The following ZNF257 variants were observed in gnomAD, a reference collection of about 807,000 sequenced individuals.
ZNF257 encodes the protein zinc finger protein 257.
ZNF257 carries 12 observed loss-of-function variants against 11.9 expected under a neutral mutation model. The observed-to-expected ratio is 1.01, with a 90% confidence interval of 0.65 to 1.63. The LOEUF is 1.63. Ranked by LOEUF, ZNF257 falls within the 40% of genes most tolerant of loss-of-function variation. The probability of loss-of-function intolerance (pLI) is 0.00; values close to 1 mark genes in which losing one functional copy is unlikely to be tolerated. For synonymous variants in ZNF257, 183 were observed against 222.7 expected, an observed-to-expected ratio of 0.82 and a Z score of 1.59; for missense variants, 580 against 665.5, an observed-to-expected ratio of 0.87 and a Z score of 1.41.
intron 2 of ZNF257, 85 bp from the exon 3 acceptor site, chr19:22,073,384 A>G: frequency 7.2e-7 from 1 of 1,398,024 alleles, no homozygotes; most frequent in African/African-American, 1.5e-5. Flanking sequence ...AGAATATTAT[A>G]TTACATTCTC....
At chr19:22,069,387 G>A (rs1249323411) in intron 1 of ZNF257, among the ~76,000 whole-genome samples, 1 of 152,112 alleles carries the variant, frequency 6.6e-6, no homozygotes, top group Admixed American at 6.5e-5. Context: ...GGCCGAGGTG[G>A]GTGGATCACG....
In ZNF257 at chr19:22,088,396, C is replaced by G; in HGVS notation, c.646C>G (p.Leu216Val). 1 of 1,613,744 alleles carries G rather than the reference C, an allele frequency of 6.2e-7. No individual in the cohort carries two copies. Among genetic ancestry groups the G allele is most frequent in the South Asian group, 1.1e-5 (1 of 91,066 alleles). Reference protein sequence around the residue: ...CGKAFNQSSALTRHKMTHTGE... With the variant: ...CGKAFNQSSAVTRHKMTHTGE... ...CAAAGCCTTTAACCAGTCCTCAGCT[C>G]TTACTCGACATAAGATGACTCATAC... Residue 216 changes from leucine to valine, a missense_variant, in exon 4 of 4, where the codon CTT becomes GTT. By Grantham distance (32) the Leu-to-Val change is conservative. Transcript: ENST00000594947.
At chr19:22,054,340 G>T (rs1276104192) in intron 1 of ZNF257, among the ~76,000 whole-genome samples, 3 of 152,096 alleles carry the variant, frequency 2.0e-5, no homozygotes, top group Non-Finnish European at 2.9e-5. Context: ...AAAGTGCTGG[G>T]ATTACAGGAG....
At chr19:22,057,288 G>A (rs4257328) in intron 1 of ZNF257, among the ~76,000 whole-genome samples, 36,135 of 151,968 alleles carry the variant, frequency 0.24, 5,843 homozygotes, top group African/African-American at 0.46. Flanking sequence ...AAAACCAAGT[G>A]AGTAACTCTG....
At chr19:22,052,885 C>T (rs1404260390) in intron 1 of ZNF257, among the ~76,000 whole-genome samples, 1 of 152,110 alleles carries the variant, frequency 6.6e-6, no homozygotes, top group Non-Finnish European at 1.5e-5. Flanking sequence ...CTCTCGGCAG[C>T]TCTGCACCCG....
intron 1 of ZNF257, among the ~76,000 whole-genome samples, chr19:22,070,918 CA>C (rs1431228287): frequency 8.5e-5 from 13 of 152,260 alleles, no homozygotes; most frequent in Non-Finnish European, 1.6e-4. Flanking sequence ...GTTATAAGCC[CA>C]GACCTCTAAT....
In ZNF257 at chr19:22,088,640, C is replaced by A. The variant is rs1215624726; in HGVS notation, c.890C>A (p.Ser297Tyr). 2 of 1,611,016 alleles carry A rather than the reference C, an allele frequency of 1.2e-6. No individual in the cohort carries two copies. Among genetic ancestry groups the A allele is most frequent in the South Asian group, 2.2e-5 (2 of 90,962 alleles). The change falls in exon 4 of 4, where the codon TCC becomes TAC. Residue 297 changes from serine to tyrosine, a missense_variant. Transcript: ENST00000594947. The stretch of plus-strand genomic sequence containing the variant: ...GAATGTTGCAAAGCCTTTAAGTGGT[C>A]CTCAGCTCTTACTACCCTTACTCAA... ...YDECCKAFKW[S>Y]SALTTLTQHK...
Position 22,088,173 on chromosome 19 carries a change from G to C in ZNF257, c.423G>C (p.Gln141His), listed in dbSNP as rs2145720799. 6.2e-7 allele frequency: 1 copy of C among 1,608,860 alleles called. No homozygotes were observed. Among genetic ancestry groups the C allele is most frequent in the African/African-American group, 1.3e-5 (1 of 74,758 alleles). ...TTAACCAATGTCTGATAACTACCCA[G>C]AGCAAAATGTATCAATGTGATAAAT... is the stretch of plus-strand genomic sequence containing the variant. ...NGLNQCLITT[Q>H]SKMYQCDKYV... The change falls in exon 4 of 4, where the codon CAG (glutamine) becomes CAC (histidine). Residue 141 changes from glutamine (Q) to histidine (H), a missense_variant. Physicochemically the swap from Gln to His is conservative, Grantham distance 24. Transcript: ENST00000594947.
chr19:22,079,843 C>T (rs903467259), intron 3 of ZNF257, among the ~76,000 whole-genome samples: 2 of 151,944 alleles, frequency 1.3e-5, no homozygotes, highest in African/African-American at 4.8e-5. Context: ...AATTTTTGGC[C>T]CCTGAGCAAG....
intron 1 of ZNF257, among the ~76,000 whole-genome samples, chr19:22,069,324 A>G (rs2022039378): frequency 6.6e-6 from 1 of 152,172 alleles, no homozygotes; most frequent in South Asian, 2.1e-4. Flanking sequence ...TAAAAAATAA[A>G]CAATATTAGG....
At chr19:22,079,189 G>C (rs2022303369) in intron 3 of ZNF257, among the ~76,000 whole-genome samples, 1 of 152,094 alleles carries the variant, frequency 6.6e-6, no homozygotes, top group Admixed American at 6.6e-5. Flanking sequence ...ATCTTTTAAA[G>C]GGGGGTTCAT....
chr19:22,088,554 G>A lies in ZNF257; in HGVS notation c.804G>A (p.Arg268=). The A allele has an allele frequency of 1.2e-6, 2 of 1,613,484 alleles. No homozygotes were observed. The highest frequency in any genetic ancestry group is 1.7e-6 in the Non-Finnish European group (2 of 1,179,826). Reference sequence around the variant, plus strand: ...AAGAGTGTGGCAAAGCCTTTAACCGGTCTTCACACATTACTCAACATAAGA... The same window carrying A: ...AAGAGTGTGGCAAAGCCTTTAACCGATCTTCACACATTACTCAACATAAGA... ...KCEECGKAFN[R]SSHITQHKRI... The change falls in exon 4 of 4, where the codon CGG becomes CGA. Residue 268 remains arginine, a synonymous_variant. Coordinates refer to ENST00000594947, the MANE Select transcript of ZNF257 (RefSeq NM_033468.4).
chr19:22,061,327 T>A (rs2021789936), intron 1 of ZNF257, among the ~76,000 whole-genome samples: 1 of 152,184 alleles, frequency 6.6e-6, no homozygotes, highest in African/African-American at 2.4e-5. Context: ...TGTTTTGTTT[T>A]TTATTTTTGT....
intron 2 of ZNF257, 51 bp downstream of exon 2, chr19:22,072,986 T>TA: frequency 6.9e-7 from 1 of 1,440,860 alleles, no homozygotes; most frequent in African/African-American, 2.2e-5. Flanking sequence ...AGGCTTTATT[T>TA]TTTATTTATT....
At chr19:22,058,498 A>G (rs746506047) in intron 1 of ZNF257, among the ~76,000 whole-genome samples, 3 of 152,170 alleles carry the variant, frequency 2.0e-5, no homozygotes, top group Non-Finnish European at 4.4e-5. Context: ...ATACTGTGGT[A>G]CTGAGCCCTG....
chr19:22,071,853 T>G (rs1437385349), intron 1 of ZNF257, among the ~76,000 whole-genome samples: 4 of 152,176 alleles, frequency 2.6e-5, no homozygotes, highest in Admixed American at 6.5e-5. Flanking sequence ...AGGTTCCATC[T>G]GTGTTCTTCA....
chr19:22,057,525 T>TA (rs778903393), intron 1 of ZNF257, among the ~76,000 whole-genome samples: 47 of 152,164 alleles, frequency 3.1e-4, no homozygotes, highest in Admixed American at 6.5e-4. Context: ...CAGAAGGTCT[T>TA]ACTGAAGATG....
chr19:22,083,360 A>G (rs1379751302), intron 3 of ZNF257, among the ~76,000 whole-genome samples: 1 of 151,966 alleles, frequency 6.6e-6, no homozygotes, highest in East Asian at 1.9e-4. Flanking sequence ...TAATCCAGCT[A>G]CTCAGGAAGC....
At chr19:22,075,925 G>A (rs2022214172) in intron 3 of ZNF257, 1 of 152,034 alleles carries the variant, frequency 6.6e-6, no homozygotes, top group Non-Finnish European at 1.5e-5. Context: ...TTGCTGTGGA[G>A]GAATAGACAA....
Sources: gnomAD v4.1 joint callset for allele counts (sites outside exome capture counted in the v4.1 genomes callset) on GRCh38, gnomAD v4.1.1 for gene constraint, MANE v1.5 for transcripts, NCBI Gene and HGNC (gene_info 2026-07-23, HGNC 2026-07-21) for gene names.